Variants in NKAIN3 observed in about 807,000 individuals in gnomAD.
NKAIN3 encodes the protein sodium/potassium-transporting ATPase subunit beta-1-interacting protein 3.
NKAIN3 carries 25 observed loss-of-function variants against 30.2 expected under a neutral mutation model. The observed-to-expected ratio is 0.83, with a 90% confidence interval of 0.60 to 1.16. The LOEUF (loss-of-function observed/expected upper bound fraction) is 1.16, where lower values mean the gene tolerates loss of function less well. Among genes scored for constraint, NKAIN3 ranks in the 50% most tolerant of loss-of-function variants. The pLI, the probability that NKAIN3 is intolerant of heterozygous loss-of-function variation, is 0.00. For synonymous variants in NKAIN3, 91 were observed against 89.6 expected, an observed-to-expected ratio of 1.02 and a Z score of -0.09; for missense variants, 225 against 254.1, an observed-to-expected ratio of 0.89 and a Z score of 0.78.
At chr8:62,611,137 A>G (rs986055435) in intron 3 of NKAIN3, among the ~76,000 whole-genome samples, 6 of 152,104 alleles carry the variant, frequency 3.9e-5, no homozygotes, top group African/African-American at 9.7e-5. Context: ...ACCCAGTTAT[A>G]TATGTTCACC....
chr8:62,785,672 G>A (rs917640348), intron 4 of NKAIN3, among the ~76,000 whole-genome samples: 2 of 152,028 alleles, frequency 1.3e-5, no homozygotes, highest in South Asian at 4.1e-4. Context: ...CAAGATTAGC[G>A]AACATCCAGA....
chr8:62,309,277 T>A (rs770005170), intron 1 of NKAIN3, among the ~76,000 whole-genome samples: 1 of 150,582 alleles, frequency 6.6e-6, no homozygotes, highest in Non-Finnish European at 1.5e-5. Flanking sequence ...AAAAAAAGAT[T>A]TAAATTGCCA....
intron 1 of NKAIN3, among the ~76,000 whole-genome samples, chr8:62,426,772 C>A (rs774315039): frequency 6.6e-5 from 10 of 151,904 alleles, no homozygotes; most frequent in Non-Finnish European, 1.5e-4. Flanking sequence ...CTTTAGTTTT[C>A]CTTTTTTTTC....
chr8:62,299,453 T>C (rs1219154311), intron 1 of NKAIN3, among the ~76,000 whole-genome samples: 1 of 152,094 alleles, frequency 6.6e-6, no homozygotes, highest in African/African-American at 2.4e-5. Context: ...TTCACACAGG[T>C]TGGACTCCCA....
At chr8:62,361,442 T>C (rs1816559388) in intron 1 of NKAIN3, among the ~76,000 whole-genome samples, 1 of 152,244 alleles carries the variant, frequency 6.6e-6, no homozygotes, top group African/African-American at 2.4e-5. Flanking sequence ...TAGTAGGAAT[T>C]TTTTAAGTGT....
chr8:62,894,504 CT>C (rs1821378116), intron 4 of NKAIN3, among the ~76,000 whole-genome samples: 1 of 152,012 alleles, frequency 6.6e-6, no homozygotes, highest in Non-Finnish European at 1.5e-5. Flanking sequence ...TTGATATTAT[CT>C]TCTTGGAATG....
At chr8:62,538,060 C>G (rs1417349139) in intron 1 of NKAIN3, among the ~76,000 whole-genome samples, 1 of 152,008 alleles carries the variant, frequency 6.6e-6, no homozygotes, top group Non-Finnish European at 1.5e-5. Flanking sequence ...TGTCTGAACA[C>G]AGGGAAAGGG....
intron 1 of NKAIN3, among the ~76,000 whole-genome samples, chr8:62,298,301 A>T (rs2129587719): frequency 6.6e-6 from 1 of 152,306 alleles, no homozygotes; most frequent in Admixed American, 6.5e-5. Context: ...GTGCATATGT[A>T]CCCTAAAACT....
rs575319068 is a variant in NKAIN3 at position 62,455,339 on chromosome 8, C to G, written c.55-124200C>G. Among the ~76,000 whole-genome samples, 128 of 152,276 alleles carry G rather than the reference C, an allele frequency of 8.4e-4. 1 individual carries two copies. The South Asian group carries it at 0.022, about 26-fold the overall frequency. On this transcript the variant is annotated intron_variant, in intron 1 of 6. Transcript: ENST00000623646. Reference sequence around the variant, plus strand: ...ACTCCATGGACTACTATGCAGTCATCAAAAGGAACAAAATCATGTCCTTTG... The same window carrying G: ...ACTCCATGGACTACTATGCAGTCATGAAAAGGAACAAAATCATGTCCTTTG...
chr8:62,500,429 G>GAAAGAA (rs1223014996), intron 1 of NKAIN3, among the ~76,000 whole-genome samples: 3 of 14,658 alleles, frequency 2.0e-4, no homozygotes, highest in Admixed American at 7.6e-4. Context: ...AGAAAGGAAA[G>GAAAGAA]AAAGAAAGAA....
chr8:62,463,084 AC>A (rs1806046296), intron 1 of NKAIN3, among the ~76,000 whole-genome samples: 1 of 152,160 alleles, frequency 6.6e-6, no homozygotes, highest in South Asian at 2.1e-4. Context: ...TATTTGTTCT[AC>A]CTTTTTGTCT....
At chr8:62,316,365 G>A (rs1814627332) in intron 1 of NKAIN3, among the ~76,000 whole-genome samples, 1 of 151,858 alleles carries the variant, frequency 6.6e-6, no homozygotes, top group Non-Finnish European at 1.5e-5. Context: ...GTGCCATGTT[G>A]GTGTGCTGCA....
At chr8:62,411,979 G>A (rs1804252336) in intron 1 of NKAIN3, among the ~76,000 whole-genome samples, 1 of 152,076 alleles carries the variant, frequency 6.6e-6, no homozygotes, top group Admixed American at 6.5e-5. Context: ...TGGCCATATT[G>A]CCCAAAACAA....
At chr8:62,945,501 G>C (rs1447023747) in intron 5 of NKAIN3, among the ~76,000 whole-genome samples, 1 of 152,184 alleles carries the variant, frequency 6.6e-6, no homozygotes, top group African/African-American at 2.4e-5. Flanking sequence ...GATGCACCAA[G>C]TTAAGGTTCC....
intron 5 of NKAIN3, among the ~76,000 whole-genome samples, chr8:62,951,771 G>A (rs1823290726): frequency 1.3e-5 from 2 of 151,958 alleles, no homozygotes; most frequent in African/African-American, 2.4e-5. Context: ...CTTAGCATAA[G>A]CCTTTATTTT....
chr8:62,947,153 G>A (rs1180537587), intron 5 of NKAIN3, among the ~76,000 whole-genome samples: 4 of 152,088 alleles, frequency 2.6e-5, no homozygotes, highest in Non-Finnish European at 5.9e-5. Flanking sequence ...CTTACAAAGG[G>A]GTTCCTCAAG....
Position 62,394,359 on chromosome 8 carries a change from G to T in NKAIN3, c.54+145232G>T, listed in dbSNP as rs117064282. On this transcript the variant is annotated intron_variant, in intron 1 of 6. Transcript: ENST00000623646. ...ACATTTAGGTAATATGCTTAGATACGTTACATTTATATAATACTACATTTG... is the reference window on the plus strand; with the variant it reads ...ACATTTAGGTAATATGCTTAGATACTTTACATTTATATAATACTACATTTG... Among the ~76,000 whole-genome samples the T allele has an allele frequency of 8.4e-3, 1,269 of 151,520 alleles. 11 individuals are homozygous for T. Among genetic ancestry groups the T allele is most frequent in the Non-Finnish European group, 0.013 (887 of 67,942 alleles).
At chr8:62,321,027 C>T (rs1018483174) in intron 1 of NKAIN3, among the ~76,000 whole-genome samples, 1 of 152,054 alleles carries the variant, frequency 6.6e-6, no homozygotes, top group African/African-American at 2.4e-5. Context: ...AGGCTTTGTT[C>T]ATTTCTTTTT....
chr8:62,647,519 C>T (rs990623860), intron 3 of NKAIN3, among the ~76,000 whole-genome samples: 1 of 152,048 alleles, frequency 6.6e-6, no homozygotes, highest in Non-Finnish European at 1.5e-5. Context: ...CAGGGATCTC[C>T]GACCTTAACT....
Sources: allele counts gnomAD v4.1 joint callset (sites outside exome capture counted in the v4.1 genomes callset), GRCh38; gene constraint gnomAD v4.1.1; transcripts MANE v1.5; gene names NCBI Gene and HGNC (gene_info 2026-07-23, HGNC 2026-07-21).